Variants in SKAP2 observed in about 807,000 individuals in gnomAD.
The protein encoded by SKAP2 is src kinase-associated phosphoprotein 2.
A neutral mutation model predicts 54.9 loss-of-function variants in SKAP2; 28 were observed. The ratio of observed to expected loss-of-function variants is 0.51; its 90% CI spans 0.38 to 0.70. SKAP2 has a LOEUF of 0.70. SKAP2 is among the 30% of genes least tolerant of loss of function. The pLI is 0.00. For synonymous variants in SKAP2, 137 were observed against 134.3 expected, an observed-to-expected ratio of 1.02 and a Z score of -0.14; for missense variants, 356 against 424.1, an observed-to-expected ratio of 0.84 and a Z score of 1.41.
chr7:26,715,557 A>C (rs1021828923), intron 9 of SKAP2, among the ~76,000 whole-genome samples: 2 of 152,028 alleles, frequency 1.3e-5, no homozygotes, highest in African/African-American at 4.8e-5. Context: ...CGGGTGGATC[A>C]CCTGACGTCA....
intron 11 of SKAP2, among the ~76,000 whole-genome samples, chr7:26,671,765 G>A (rs113077679): frequency 3.3e-5 from 5 of 152,118 alleles, no homozygotes; most frequent in African/African-American, 1.2e-4. Flanking sequence ...ATACTCTGAT[G>A]CCCAGAACCC....
At chr7:26,701,772 A>AATAC (rs1787032063) in intron 9 of SKAP2, among the ~76,000 whole-genome samples, 1 of 151,868 alleles carries the variant, frequency 6.6e-6, no homozygotes, top group African/African-American at 2.4e-5. Context: ...TAAATAAATA[A>AATAC]AACTTGCATC....
At chr7:26,799,588 G>C (rs1783866035) in intron 4 of SKAP2, among the ~76,000 whole-genome samples, 1 of 152,136 alleles carries the variant, frequency 6.6e-6, no homozygotes, top group Admixed American at 6.6e-5. Context: ...TAAAGAAAGA[G>C]ATAGGCCCTG....
chr7:26,785,127 T>C lies in SKAP2; in HGVS notation c.308-45163A>G, dbSNP rs149114862. Among the ~76,000 whole-genome samples, 5 of 152,266 alleles carry C rather than the reference T, an allele frequency of 3.3e-5. No homozygotes were observed. In the East Asian group the frequency reaches 9.7e-4, roughly 29 times the overall value. Reference sequence around the variant, plus strand: ...CTTCATTAAAAACCTACTAAACTCTTTCAATATACCCAAGTTCTGGAAAAA... The same window carrying C: ...CTTCATTAAAAACCTACTAAACTCTCTCAATATACCCAAGTTCTGGAAAAA... On this transcript the variant is annotated intron_variant, in intron 4 of 12. Transcript: ENST00000345317.
At chr7:26,776,830 T>C (rs1222743777) in intron 4 of SKAP2, among the ~76,000 whole-genome samples, 2 of 152,174 alleles carry the variant, frequency 1.3e-5, no homozygotes, top group Non-Finnish European at 2.9e-5. Context: ...ACTGTCTATG[T>C]GATAGAGCCT....
chr7:26,732,793 A>G (rs578198671), intron 6 of SKAP2, among the ~76,000 whole-genome samples: 3 of 152,326 alleles, frequency 2.0e-5, no homozygotes, highest in Non-Finnish European at 4.4e-5. Context: ...CTTGAAATAT[A>G]TCTCTGGGGT....
chr7:26,708,472 G>A (rs577488443), intron 9 of SKAP2, among the ~76,000 whole-genome samples: 7 of 152,126 alleles, frequency 4.6e-5, no homozygotes, highest in East Asian at 3.9e-4. Context: ...ATGAACTCCC[G>A]TTTCCCTATA....
At chr7:26,806,629 G>C (rs1023404050) in intron 4 of SKAP2, among the ~76,000 whole-genome samples, 3 of 152,142 alleles carry the variant, frequency 2.0e-5, no homozygotes, top group Admixed American at 2.0e-4. Flanking sequence ...TGAATGCAAA[G>C]GTAAAGTCAT....
intron 11 of SKAP2, among the ~76,000 whole-genome samples, chr7:26,682,261 T>C (rs568566857): frequency 6.6e-6 from 1 of 152,338 alleles, no homozygotes; most frequent in East Asian, 1.9e-4. Flanking sequence ...TAAAGACTAC[T>C]AGAAAGTCTC....
chr7:26,765,480 C>T (rs1185984381), intron 4 of SKAP2, among the ~76,000 whole-genome samples: 1 of 152,064 alleles, frequency 6.6e-6, no homozygotes, highest in Non-Finnish European at 1.5e-5. Context: ...TAATTAGATC[C>T]CATTTGTCAA....
chr7:26,804,147 G>A (rs1783975549), intron 4 of SKAP2, among the ~76,000 whole-genome samples: 2 of 152,184 alleles, frequency 1.3e-5, no homozygotes, highest in Non-Finnish European at 2.9e-5. Context: ...AAGGATAAAT[G>A]CTTGAGGGGA....
chr7:26,831,211 G>C (rs1784587306), intron 4 of SKAP2, among the ~76,000 whole-genome samples: 1 of 152,106 alleles, frequency 6.6e-6, no homozygotes, highest in East Asian at 1.9e-4. Context: ...TGATGCCTAT[G>C]TATAAAATTT....
chr7:26,812,133 G>T (rs917839204), intron 4 of SKAP2, among the ~76,000 whole-genome samples: 1 of 152,142 alleles, frequency 6.6e-6, no homozygotes, highest in Non-Finnish European at 1.5e-5. Flanking sequence ...TGATACAAAG[G>T]GGCATATTAC....
intron 3 of SKAP2, among the ~76,000 whole-genome samples, chr7:26,848,952 G>A (rs1439211100): frequency 6.6e-6 from 1 of 152,208 alleles, no homozygotes; most frequent in East Asian, 1.9e-4. Flanking sequence ...AGCACTGCCT[G>A]TGAAATATAC....
chr7:26,788,437 A>G (rs1425521224), intron 4 of SKAP2, among the ~76,000 whole-genome samples: 1 of 152,154 alleles, frequency 6.6e-6, no homozygotes, highest in Non-Finnish European at 1.5e-5. Flanking sequence ...GGAAAAAAAA[A>G]ACTAGTATAT....
At chr7:26,673,704 G>T (rs919779175) in intron 11 of SKAP2, among the ~76,000 whole-genome samples, 2 of 151,988 alleles carry the variant, frequency 1.3e-5, no homozygotes, top group Non-Finnish European at 2.9e-5. Flanking sequence ...ATAGTAAGGC[G>T]GTAGTGAATG....
chr7:26,802,091 A>G (rs1783926667), intron 4 of SKAP2, among the ~76,000 whole-genome samples: 1 of 152,124 alleles, frequency 6.6e-6, no homozygotes, highest in Non-Finnish European at 1.5e-5. Flanking sequence ...TCGCATATCT[A>G]ACTTCAAATC....
chr7:26,668,627 T>C lies in SKAP2; in HGVS notation c.*1039A>G, dbSNP rs750654215. On this transcript the variant is annotated 3_prime_UTR_variant, in exon 13 of 13. Transcript: ENST00000345317. ...AAGGCAAGATAAGAGAGTGCTTGGTTATGCCTTTTTACTTTGAGAATACAC... is the reference window on the plus strand; with the variant it reads ...AAGGCAAGATAAGAGAGTGCTTGGTCATGCCTTTTTACTTTGAGAATACAC... The C allele has an allele frequency of 2.6e-5, 4 of 151,898 alleles. No individual in the cohort carries two copies. The highest frequency in any genetic ancestry group is 4.8e-5 in the African/African-American group (2 of 41,370). 9.4% of individuals were successfully genotyped at this position (151,898 alleles called of 1,614,324 possible).
the SKAP2 span, among the ~76,000 whole-genome samples, chr7:26,661,330 C>A: frequency 6.6e-6 from 1 of 152,102 alleles, no homozygotes; most frequent in Admixed American, 6.6e-5. Flanking sequence ...AGATATGCAT[C>A]TGATGTTTTT....
Sources: allele counts gnomAD v4.1 joint callset (sites outside exome capture counted in the v4.1 genomes callset), GRCh38; gene constraint gnomAD v4.1.1; transcripts MANE v1.5; gene names NCBI Gene and HGNC (gene_info 2026-07-23, HGNC 2026-07-21).